The following TRPC7 variants were observed in gnomAD, a reference collection of about 807,000 sequenced individuals.
The protein encoded by TRPC7 is transient receptor potential cation channel subfamily C member 7.
Under a neutral mutation model 90.1 loss-of-function variants are expected in TRPC7, and 42 were observed. The ratio of observed to expected loss-of-function variants is 0.47; its 90% CI spans 0.36 to 0.60. The LOEUF is 0.60. Ranked by LOEUF, TRPC7 falls within the 20% of genes least tolerant of loss-of-function variation. TRPC7 has a pLI of 0.00. For synonymous variants in TRPC7, 451 were observed against 436.3 expected (o/e 1.03, Z -0.42); for missense variants, 955 against 1,112.3 (o/e 0.86, Z 2.01).
chr5:136,313,031 G>T (rs916796307), intron 3 of TRPC7, among the ~76,000 whole-genome samples: 6 of 137,560 alleles, frequency 4.4e-5, no homozygotes, highest in African/African-American at 1.6e-4. Flanking sequence ...CCCCCAGGCT[G>T]GTCTCAAACT....
intron 8 of TRPC7, among the ~76,000 whole-genome samples, chr5:136,227,186 G>A (rs1222478813): frequency 3.3e-5 from 5 of 152,154 alleles, no homozygotes; most frequent in Admixed American, 3.3e-4. Context: ...AATGCTAAGT[G>A]GGCCCCTGAG....
At chr5:136,271,490 A>C (rs1228585807) in intron 4 of TRPC7, among the ~76,000 whole-genome samples, 3 of 152,214 alleles carry the variant, frequency 2.0e-5, no homozygotes, top group Non-Finnish European at 4.4e-5. Context: ...TAACTTACAC[A>C]TCAGAATAGG....
chr5:136,243,426 CAG>C (rs1410169210), intron 7 of TRPC7, among the ~76,000 whole-genome samples: 1 of 152,124 alleles, frequency 6.6e-6, no homozygotes. Context: ...TCTATAGAAA[CAG>C]ATGCTGAGTT....
chr5:136,269,790 A>G (rs1264033209), intron 4 of TRPC7, among the ~76,000 whole-genome samples: 1 of 152,186 alleles, frequency 6.6e-6, no homozygotes, highest in Admixed American at 6.5e-5. Context: ...ACTCTTATTC[A>G]AAATGTCTAA....
chr5:136,301,736 C>T (rs1580925346), intron 3 of TRPC7, among the ~76,000 whole-genome samples: 1 of 152,330 alleles, frequency 6.6e-6, no homozygotes, highest in East Asian at 1.9e-4. Flanking sequence ...TTCACTGACT[C>T]TCTTTTCGGA....
At chr5:136,276,049 T>TACCA (rs1306526616) in intron 3 of TRPC7, among the ~76,000 whole-genome samples, 14 of 152,344 alleles carry the variant, frequency 9.2e-5, no homozygotes, top group African/African-American at 3.4e-4. Flanking sequence ...TAGTTGTTGC[T>TACCA]ACCAGAACAT....
At chr5:136,358,588 T>C (rs541213405) in intron 1 of TRPC7, among the ~76,000 whole-genome samples, 3 of 152,284 alleles carry the variant, frequency 2.0e-5, no homozygotes, top group Admixed American at 1.3e-4. Context: ...AAACTTACAT[T>C]ACCAAAGTGT....
At chr5:136,293,268 T>C (rs567139766) in intron 3 of TRPC7, among the ~76,000 whole-genome samples, 119 of 152,236 alleles carry the variant, frequency 7.8e-4, no homozygotes, top group African/African-American at 2.6e-3. Context: ...CTATTCAACA[T>C]AGTGTTGGAA....
intron 2 of TRPC7, 45 bp downstream of exon 2, chr5:136,356,563 G>GC: frequency 1.3e-6 from 2 of 1,489,756 alleles, no homozygotes; most frequent in African/African-American, 1.4e-5. Context: ...ACGTGGAAGA[G>GC]CCCCCTGGGC....
chr5:136,312,573 C>G (rs1758869150), intron 3 of TRPC7, among the ~76,000 whole-genome samples: 1 of 152,178 alleles, frequency 6.6e-6, no homozygotes, highest in Non-Finnish European at 1.5e-5. Context: ...GCTTCAATGA[C>G]TTGCCCAAGA....
chr5:136,258,475 C>A (rs1427340598), intron 5 of TRPC7, among the ~76,000 whole-genome samples: 2 of 151,962 alleles, frequency 1.3e-5, no homozygotes, highest in Non-Finnish European at 2.9e-5. Flanking sequence ...AAGCATGCGC[C>A]CCCACCCTGC....
chr5:136,323,093 C>T (rs535118247), intron 2 of TRPC7, among the ~76,000 whole-genome samples: 35 of 152,292 alleles, frequency 2.3e-4, no homozygotes, highest in African/African-American at 7.7e-4. Context: ...AATCATGGGG[C>T]GGTTTCCCCC....
chr5:136,227,536 C>A (rs1158103100), intron 8 of TRPC7, among the ~76,000 whole-genome samples: 1 of 151,868 alleles, frequency 6.6e-6, no homozygotes, highest in African/African-American at 2.4e-5. Context: ...CAGGGTTGAC[C>A]ACTTTGCTTT....
intron 1 of TRPC7, among the ~76,000 whole-genome samples, chr5:136,364,324 A>T (rs965889900): frequency 6.6e-6 from 1 of 152,222 alleles, no homozygotes; most frequent in Admixed American, 6.5e-5. Flanking sequence ...TGAAAGGGTA[A>T]TTGTGACATA....
chr5:136,308,370 GGCA>G (rs1758714773), intron 3 of TRPC7, among the ~76,000 whole-genome samples: 1 of 152,222 alleles, frequency 6.6e-6, no homozygotes, highest in Non-Finnish European at 1.5e-5. Flanking sequence ...CCAACTACCA[GGCA>G]TCCTGCAGTG....
intron 3 of TRPC7, among the ~76,000 whole-genome samples, chr5:136,294,619 T>C (rs1561705883): frequency 6.6e-6 from 1 of 151,954 alleles, no homozygotes; most frequent in Non-Finnish European, 1.5e-5. Context: ...AGAATGGCAA[T>C]CATTAAAAAG....
At chr5:136,354,994 C>G (rs955019609) in intron 2 of TRPC7, among the ~76,000 whole-genome samples, 1 of 152,216 alleles carries the variant, frequency 6.6e-6, no homozygotes, top group Non-Finnish European at 1.5e-5. Flanking sequence ...TTGGTATGAG[C>G]TGGTACCCAT....
At chr5:136,265,998 T>C (rs1757013451) in intron 5 of TRPC7, among the ~76,000 whole-genome samples, 1 of 152,120 alleles carries the variant, frequency 6.6e-6, no homozygotes, top group Admixed American at 6.5e-5. Context: ...AAAATTTCTG[T>C]CCCCCGCCGC....
intron 3 of TRPC7, among the ~76,000 whole-genome samples, chr5:136,295,132 C>G (rs527249707): frequency 5.4e-5 from 8 of 147,406 alleles, no homozygotes; most frequent in African/African-American, 2.0e-4. Context: ...ACACCGGGGC[C>G]TGTTGTGGGG....
Sources: allele counts gnomAD v4.1 joint callset (sites outside exome capture counted in the v4.1 genomes callset), GRCh38; gene constraint gnomAD v4.1.1; transcripts MANE v1.5; gene names NCBI Gene and HGNC (gene_info 2026-07-23, HGNC 2026-07-21).